The following ATAD5 variants were observed in gnomAD, a reference collection of about 807,000 sequenced individuals.
ATAD5 encodes ATPase family AAA domain-containing protein 5.
Under a neutral mutation model 176.9 loss-of-function variants are expected in ATAD5, and 58 were observed. The observed-to-expected ratio is 0.33, with a 90% CI of 0.27 to 0.41. The LOEUF (loss-of-function observed/expected upper bound fraction) is 0.41. Among genes scored for constraint, ATAD5 ranks in the 10% least tolerant of loss-of-function variants. The pLI, the probability that ATAD5 is intolerant of heterozygous loss-of-function variation, is 1.00. For missense variants in ATAD5, 1,789 were observed against 2,094.1 expected, an observed-to-expected ratio of 0.85 and a Z score of 2.84; for synonymous variants, 640 against 712.6, an observed-to-expected ratio of 0.90 and a Z score of 1.62.
In ATAD5 at chr17:30,893,818, C is replaced by T. The variant is rs778742037; in HGVS notation, c.4965C>T (p.Asn1655=). 1.3e-5 allele frequency: 21 copies of T among 1,613,912 alleles called. No individual in the cohort carries two copies. The South Asian group carries it at 1.9e-4, about 14-fold the overall frequency. The change falls in exon 21 of 23, where the codon AAC becomes AAT. Residue 1655 remains asparagine, a synonymous_variant. Coordinates refer to ENST00000321990, the MANE Select transcript of ATAD5 (RefSeq NM_024857.5). ...CLNSLSEFMD[N]MSFLDALLTD... ...ATTCTCTCTCTGAGTTCATGGATAA[C>T]ATGTCCTTCTTAGATGCACTTTTAA... is the stretch of plus-strand genomic sequence containing the variant.
chr17:30,889,356 G>A lies in ATAD5; in HGVS notation c.4258+1984G>A, dbSNP rs538168195. On this transcript the variant is annotated intron_variant, in intron 19 of 22. Transcript: ENST00000321990. Reference sequence around the variant, plus strand: ...AATTTGACTCTTAAATTTTCAAACTGTTACTTATACATGTATTAACATATA... The same window carrying A: ...AATTTGACTCTTAAATTTTCAAACTATTACTTATACATGTATTAACATATA... Among the ~76,000 whole-genome samples the A allele has an allele frequency of 2.0e-5, 3 of 149,838 alleles. No homozygotes were observed. In the East Asian group the frequency reaches 5.9e-4, roughly 29 times the overall value.
At chr17:30,857,173 C>T (rs950226386) in intron 8 of ATAD5, 61 bp downstream of exon 8, 22 of 1,511,480 alleles carry the variant, frequency 1.5e-5, no homozygotes, top group Non-Finnish European at 2.0e-5. Flanking sequence ...AGAGGAAAAA[C>T]ATTTTTGGAT....
At chr17:30,856,339 C>T (rs545589398) in intron 7 of ATAD5, among the ~76,000 whole-genome samples, 6 of 152,284 alleles carry the variant, frequency 3.9e-5, no homozygotes, top group South Asian at 2.1e-4. Flanking sequence ...TTTAGGATCT[C>T]GCCAGTGCTC....
chr17:30,886,763 A>G (rs1909346947), intron 18 of ATAD5, among the ~76,000 whole-genome samples: 1 of 152,010 alleles, frequency 6.6e-6, no homozygotes, highest in Admixed American at 6.6e-5. Context: ...AAAAAAATTA[A>G]TTAGCTTTAT....
chr17:30,872,715 A>G (rs779095468), intron 14 of ATAD5, among the ~76,000 whole-genome samples: 6 of 151,568 alleles, frequency 4.0e-5, no homozygotes, highest in Non-Finnish European at 7.4e-5. Context: ...GCCATCACGC[A>G]CAGCTAATTT....
chr17:30,886,118 T>C (rs1374499563), intron 18 of ATAD5, among the ~76,000 whole-genome samples: 2 of 151,822 alleles, frequency 1.3e-5, no homozygotes, highest in Non-Finnish European at 2.9e-5. Context: ...GTGATTAATT[T>C]ATTAAGGATT....
At chr17:30,852,640 G>A (rs1597966590) in intron 6 of ATAD5, among the ~76,000 whole-genome samples, 2 of 152,250 alleles carry the variant, frequency 1.3e-5, no homozygotes, top group African/African-American at 4.8e-5. Flanking sequence ...CGGCTTGGCT[G>A]TTAGTGAGGC....
Position 30,834,972 on chromosome 17 carries a change from C to T in ATAD5, c.891C>T (p.Asp297=), listed in dbSNP as rs143006132. Residue 297 remains aspartate (D), a synonymous_variant, in exon 2 of 23, where the codon GAC becomes GAT. Transcript: ENST00000321990. ...MSICVPSETV[D]EIVKSGYISE... ...TTTGTGTTCCTTCTGAAACTGTCGA[C>T]GAAATAGTCAAAAGTGGTTATATAA... 41,778 of 1,613,892 alleles carry T rather than the reference C, an allele frequency of 0.026. 761 individuals are homozygous for T. Among genetic ancestry groups the T allele is most frequent in the South Asian group, 0.062 (5,650 of 91,048 alleles).
intron 10 of ATAD5, among the ~76,000 whole-genome samples, chr17:30,861,424 T>C (rs1597974431): frequency 6.6e-6 from 1 of 152,196 alleles, no homozygotes; most frequent in Middle Eastern, 3.4e-3. Flanking sequence ...GTGTTTGAAA[T>C]AAATAGAACC....
chr17:30,844,547 TTTTC>T (rs1391443847), intron 5 of ATAD5, among the ~76,000 whole-genome samples: 2 of 109,938 alleles, frequency 1.8e-5, no homozygotes, highest in Non-Finnish European at 3.5e-5. Flanking sequence ...AGTGAAGAGT[TTTTC>T]TTTTTTTTTT....
rs188918393 is a variant in ATAD5 at position 30,891,238 on chromosome 17, G to A, written c.4259-1369G>A. Among the ~76,000 whole-genome samples the A allele has an allele frequency of 2.8e-3, 432 of 151,890 alleles. 1 individual carries two copies. Among genetic ancestry groups the A allele is most frequent in the Admixed American group, 5.2e-3 (80 of 15,282 alleles). On this transcript the variant is annotated intron_variant, in intron 19 of 22. Transcript: ENST00000321990. ...ATAGTATATGATGGTTTTTTTATGT[G>A]TACTGCTGACAGAACTACATTATAA...
chr17:30,851,468 C>G (rs1298670949), intron 6 of ATAD5, among the ~76,000 whole-genome samples: 8 of 150,120 alleles, frequency 5.3e-5, no homozygotes, highest in African/African-American at 2.0e-4. Flanking sequence ...TGCACTCCAG[C>G]CTGGGCAACA....
intron 6 of ATAD5, among the ~76,000 whole-genome samples, chr17:30,853,520 A>G (rs1199500265): frequency 2.0e-5 from 3 of 152,202 alleles, no homozygotes. Context: ...CTCATTTAGT[A>G]TCTATCTGGC....
chr17:30,869,626 A>G lies in ATAD5; in HGVS notation c.3587A>G (p.Tyr1196Cys). ...NSQKPCFFNS[Y>C]YIGKSPKKIS... ...CAAAAACCCTGTTTTTTTAATAGCT[A>G]CTACATAGGCAAGTCACCAAGTAAG... The change falls in exon 14 of 23, where the codon TAC (tyrosine) becomes TGC (cysteine). Residue 1196 changes from tyrosine to cysteine, a missense_variant. By Grantham distance (194) the Tyr-to-Cys change is radical. Coordinates refer to ENST00000321990, the MANE Select transcript of ATAD5 (RefSeq NM_024857.5). The G allele has an allele frequency of 6.3e-7, 1 of 1,597,786 alleles. No individual in the cohort carries two copies. The highest frequency in any genetic ancestry group is 8.5e-7 in the Non-Finnish European group (1 of 1,176,306).
Position 30,855,880 on chromosome 17 carries a change from A to AT in ATAD5, c.2635+553_2635+554insT, listed in dbSNP as rs1907268618. ...TCTCAAAAAAAGAAAAAAAAAAAAAAGTTTAGCCTTTCTTCTGTACGTGGG... is the reference window on the plus strand; with the variant it reads ...TCTCAAAAAAAGAAAAAAAAAAAAAATGTTTAGCCTTTCTTCTGTACGTGGG... On this transcript the variant is annotated intron_variant, in intron 7 of 22. Coordinates refer to ENST00000321990, the MANE Select transcript of ATAD5 (RefSeq NM_024857.5). Among the ~76,000 whole-genome samples, 7 of 151,616 alleles carry AT rather than the reference A, an allele frequency of 4.6e-5. No homozygotes were observed. The South Asian group carries it at 1.3e-3, about 27-fold the overall frequency.
chr17:30,877,964 GT>G, intron 16 of ATAD5, 38 bp from the exon 17 acceptor site: 1 of 1,305,116 alleles, frequency 7.7e-7, no homozygotes, highest in Non-Finnish European at 1.1e-6. Context: ...ACTGATATTA[GT>G]AAGTGTATTA....
chr17:30,865,941 C>T, intron 11 of ATAD5, 141 bp downstream of exon 11: 1 of 506,682 alleles, frequency 2.0e-6, no homozygotes. Context: ...AAAAGTAGCC[C>T]TCTTTTCTTA....
rs372674463 is a variant in ATAD5, at chr17:30,835,014, C to T, written c.933C>T (p.Ser311=). 1.7e-5 allele frequency: 27 copies of T among 1,613,748 alleles called. No homozygotes were observed. Among genetic ancestry groups the T allele is most frequent in the East Asian group, 2.2e-5 (1 of 44,880 alleles). Reference sequence around the variant, plus strand: ...GTTATATAAGTGAATCAGAAAACTCCGAAATTTCCCAGCAGGTACGCTTTA... The same window carrying T: ...GTTATATAAGTGAATCAGAAAACTCTGAAATTTCCCAGCAGGTACGCTTTA... ...KSGYISESEN[S]EISQQVRFKT... Residue 311 remains serine, a synonymous_variant, in exon 2 of 23, where the codon TCC becomes TCT. Transcript: ENST00000321990.
intron 18 of ATAD5, among the ~76,000 whole-genome samples, chr17:30,879,743 T>C (rs1908902082): frequency 6.6e-6 from 1 of 151,968 alleles, no homozygotes. Context: ...TTTGTATTTT[T>C]AGTAGAGACG....
Sources: allele counts gnomAD v4.1 joint callset (sites outside exome capture counted in the v4.1 genomes callset), GRCh38; gene constraint gnomAD v4.1.1; transcripts MANE v1.5; gene names NCBI Gene and HGNC (gene_info 2026-07-23, HGNC 2026-07-21).